The following GGT7 variants were observed in gnomAD, a reference collection of about 807,000 sequenced individuals.
The protein encoded by GGT7 is gamma-glutamyltransferase 7, also known as glutathione hydrolase 7.
GGT7 carries 30 observed loss-of-function variants against 69.2 expected under a neutral mutation model. The observed-to-expected ratio is 0.43, with a 90% CI of 0.32 to 0.59. The LOEUF is 0.59. GGT7 is among the 20% of genes least tolerant of loss of function. The pLI, the probability that GGT7 is intolerant of heterozygous loss-of-function variation, is 0.05. For missense variants in GGT7, 733 were observed against 901.1 expected, an observed-to-expected ratio of 0.81 and a Z score of 2.39; for synonymous variants, 388 against 391.8, an observed-to-expected ratio of 0.99 and a Z score of 0.12.
At chr20:34,846,073 G>C (rs1195944807) in intron 14 of GGT7, among the ~76,000 whole-genome samples, 2 of 136,374 alleles carry the variant, frequency 1.5e-5, no homozygotes, top group Non-Finnish European at 3.2e-5. Context: ...TCCAAAAAAA[G>C]AAAAGAAAGA....
chr20:34,863,442 C>T lies in GGT7; in HGVS notation c.276G>A (p.Pro92=), dbSNP rs1488689228. Residue 92 remains proline, a synonymous_variant, in exon 2 of 15, where the codon CCG becomes CCA. Coordinates refer to ENST00000336431, the MANE Select transcript of GGT7 (RefSeq NM_178026.3). The surrounding 1 kb of genome is among the most constrained non-coding windows in gnomAD (Gnocchi z 4.4). ...AGCACTCGGCCGCTGCGGCGGAGAACGGGTCTTTGCGCGTCTCGCGTAGCG... is the reference window on the plus strand; with the variant it reads ...AGCACTCGGCCGCTGCGGCGGAGAATGGGTCTTTGCGCGTCTCGCGTAGCG... ...GSPLRETRKD[P]FSAAAAECSC... 1.9e-6 allele frequency: 3 copies of T among 1,613,014 alleles called. No homozygotes were observed.
chr20:34,865,619 G>T (rs1284911275), intron 1 of GGT7, among the ~76,000 whole-genome samples: 1 of 152,220 alleles, frequency 6.6e-6, no homozygotes, highest in Non-Finnish European at 1.5e-5. Context: ...GTCAAGTCAT[G>T]CACCTCACCT....
intron 8 of GGT7, 128 bp downstream of exon 8, chr20:34,856,678 G>T (rs2079497244): frequency 3.0e-6 from 2 of 662,024 alleles, no homozygotes; most frequent in East Asian, 5.5e-5. Flanking sequence ...ACAGTTGACT[G>T]CCCAGGTAGC....
Position 34,859,634 on chromosome 20 carries a change from C to A in GGT7, c.823G>T (p.Ala275Ser), listed in dbSNP as rs138920332. 4.5e-4 allele frequency: 715 copies of A among 1,594,014 alleles called. 1 individual carries two copies. In the African/African-American group the frequency reaches 8.8e-3, roughly 20 times the overall value. Residue 275 changes from alanine (A) to serine (S), a missense_variant, in exon 7 of 15, where the codon GCC (alanine) becomes TCC (serine). Coordinates refer to ENST00000336431, the MANE Select transcript of GGT7 (RefSeq NM_178026.3). ...TTGGGTGGCAGCTGTTCAGCCAGGG[C>A]ACGGGCTAGGGGCAGGGACGGGAGG... Reference protein sequence around the residue: ...GFNVTHDLARALAEQLPPNMS... With the variant: ...GFNVTHDLARSLAEQLPPNMS...
Position 34,861,486 on chromosome 20 carries a change from C to G in GGT7, c.634G>C (p.Ala212Pro), listed in dbSNP as rs755727019. 26 of 1,553,174 alleles carry G rather than the reference C, an allele frequency of 1.7e-5. No individual in the cohort carries two copies. The highest frequency in any genetic ancestry group is 2.1e-5 in the Non-Finnish European group (24 of 1,139,568). The change falls in exon 4 of 15, where the codon GCC (alanine) becomes CCC (proline). Residue 212 changes from alanine to proline, a missense_variant. Ala to Pro is a conservative substitution (Grantham distance 27). Coordinates refer to ENST00000336431, the MANE Select transcript of GGT7 (RefSeq NM_178026.3). ...CTTTGCAGGGTCTCTTCCCTGAGGG[C>G]CCCTGGTGCGGACTCCCGGAAATCA... ...LIDFRESAPG[A>P]LREETLQRSW...
chr20:34,872,777 C>T lies in GGT7; in HGVS notation c.39G>A (p.Leu13=), dbSNP rs1165271157. 7.0e-7 allele frequency: 1 copy of T among 1,425,666 alleles called. No individual in the cohort carries two copies. Among genetic ancestry groups the T allele is most frequent in the Non-Finnish European group, 9.2e-7 (1 of 1,084,310 alleles). The allele number at this position is 1,425,666 out of a possible 1,614,324, so 88.3% of individuals were successfully genotyped here. ...TGTAGTCCACTGGCGAGTAGGCGCC[C>T]AGGGCGCTCTCCTGGCTGGCCTCGT... ...AENEASQESA[L]GAYSPVDYMS... The change falls in exon 1 of 15, where the codon CTG becomes CTA. Residue 13 remains leucine, a synonymous_variant. Transcript: ENST00000336431.
Position 34,854,863 on chromosome 20 carries a change from TTGAGAGCACTGA to T in GGT7, c.1151_1162del (p.Ile384_Leu387del). The T allele has an allele frequency of 6.2e-7, 1 of 1,614,008 alleles. No individual in the cohort carries two copies. Among genetic ancestry groups the T allele is most frequent in the Non-Finnish European group, 8.5e-7 (1 of 1,179,908 alleles). Reference sequence around the variant, plus strand: ...GGTGAGATTGAAGCCCTCCAGGATGTTGAGAGCACTGATGAGGGCAGGGCCCGTGTGCGGAGG... The same window carrying T: ...GGTGAGATTGAAGCCCTCCAGGATGTTGAGGGCAGGGCCCGTGTGCGGAGG... On this transcript the variant is annotated inframe_deletion, in exon 9 of 15. Transcript: ENST00000336431.
At position 34,863,425 on chromosome 20, in the gene GGT7, G is replaced by A; in HGVS notation, c.293C>T (p.Ala98Val). 1.2e-6 allele frequency: 2 copies of A among 1,613,640 alleles called. No individual in the cohort carries two copies. Among genetic ancestry groups the A allele is most frequent in the Non-Finnish European group, 1.7e-6 (2 of 1,179,956 alleles). Residue 98 changes from alanine to valine, a missense_variant, in exon 2 of 15, where the codon GCC (alanine) becomes GTC (valine). By Grantham distance (64) the Ala-to-Val change is moderately conservative. Transcript: ENST00000336431. The surrounding 1 kb of genome is among the most constrained non-coding windows in gnomAD (Gnocchi z 4.4). ...TRKDPFSAAAAECSCRQDGLT... is the reference protein window; with the variant it reads ...TRKDPFSAAAVECSCRQDGLT... ...CCCATCCTGGCGGCAGGAGCACTCG[G>A]CCGCTGCGGCGGAGAACGGGTCTTT... is the stretch of plus-strand genomic sequence containing the variant.
Position 34,863,616 on chromosome 20 carries a change from C to A in GGT7, c.170-68G>T. 1 of 1,007,150 alleles carries A rather than the reference C, an allele frequency of 9.9e-7. No homozygotes were observed. Among genetic ancestry groups the A allele is most frequent in the Non-Finnish European group, 1.5e-6 (1 of 650,736 alleles). The allele number at this position is 1,007,150 out of a possible 1,614,324, so 62.4% of individuals were successfully genotyped here. ...GGCCCTGCCCACCCTCCAGGTGGGA[C>A]TATTCAGCGCTTTCCCTGCCCCGCC... On this transcript the variant is annotated intron_variant, in intron 1 of 14. Coordinates refer to ENST00000336431, the MANE Select transcript of GGT7 (RefSeq NM_178026.3). The surrounding 1 kb of genome is among the most constrained non-coding windows in gnomAD (Gnocchi z 4.4).
At position 34,863,492 on chromosome 20, in the gene GGT7, C is replaced by A. The variant is rs765692127; in HGVS notation, c.226G>T (p.Glu76Ter). ...RLQRLPSSSSEMGSQDGSPLR... is the reference protein window; with the variant it reads ...RLQRLPSSSS ...GGCGACCCGTCTTGGCTGCCCATCT[C>A]CGACGACGACGATGGCAGCCGCTGC... The change falls in exon 2 of 15, where the codon GAG (glutamate) becomes TAG (stop). Residue 76 changes from glutamate (E) to a stop codon, truncating the protein, a stop_gained. Coordinates refer to ENST00000336431, the MANE Select transcript of GGT7 (RefSeq NM_178026.3). LOFTEE classifies it high-confidence loss of function. This position sits in a 1 kb window ranked among gnomAD's most constrained non-coding sequence, Gnocchi z 4.4. 3 of 1,604,392 alleles carry A rather than the reference C, an allele frequency of 1.9e-6. No homozygotes were observed. The South Asian group carries it at 3.3e-5, about 18-fold the overall frequency.
At chr20:34,856,766 TCTC>T in intron 8 of GGT7, 37 bp downstream of exon 8, 1 of 1,181,598 alleles carries the variant, frequency 8.5e-7, no homozygotes, top group Non-Finnish European at 1.3e-6. Flanking sequence ...CTGGGAGGCT[TCTC>T]CTGAGGGGGG....
intron 1 of GGT7, among the ~76,000 whole-genome samples, chr20:34,866,854 T>G (rs1434711791): frequency 1.3e-5 from 2 of 152,174 alleles, no homozygotes; most frequent in East Asian, 3.8e-4. Flanking sequence ...GTGTTGGGAT[T>G]ACAGGCATAA....
At chr20:34,858,754 G>C (rs1174360059) in intron 7 of GGT7, among the ~76,000 whole-genome samples, 1 of 152,182 alleles carries the variant, frequency 6.6e-6, no homozygotes, top group Non-Finnish European at 1.5e-5. Flanking sequence ...AGCAGGGAAG[G>C]ATTGTGAGCT....
chr20:34,849,785 G>C (rs1477393457), intron 14 of GGT7, among the ~76,000 whole-genome samples, 176 bp downstream of exon 14: 2 of 152,196 alleles, frequency 1.3e-5, no homozygotes, highest in Non-Finnish European at 2.9e-5. Flanking sequence ...CACACAACCA[G>C]GAAATGGCAA....
At position 34,861,437 on chromosome 20, in the gene GGT7, G is replaced by T. The variant is rs550537909; in HGVS notation, c.675+8C>A. On this transcript the variant is annotated splice_region_variant and intron_variant, in intron 4 of 14. Coordinates refer to ENST00000336431, the MANE Select transcript of GGT7 (RefSeq NM_178026.3). ...CCCTGAACTCTCTCTTCTCACCAGGGTCCCCACCTTGGTCTCCCAGGATCT... is the reference window on the plus strand; with the variant it reads ...CCCTGAACTCTCTCTTCTCACCAGGTTCCCCACCTTGGTCTCCCAGGATCT... 1 of 1,443,056 alleles carries T rather than the reference G, an allele frequency of 6.9e-7. No homozygotes were observed. The highest frequency in any genetic ancestry group is 9.6e-7 in the Non-Finnish European group (1 of 1,042,014). 89.4% of individuals were successfully genotyped at this position (1,443,056 alleles called of 1,614,324 possible). A position where few individuals can be genotyped will look rare whatever the true frequency, so the allele number is the denominator to read the frequency against.
chr20:34,850,138 TC>T, intron 13 of GGT7, 78 bp from the exon 14 acceptor site: 1 of 982,664 alleles, frequency 1.0e-6, no homozygotes, highest in Non-Finnish European at 1.7e-6. Flanking sequence ...TCACCCTTGG[TC>T]CAGGCTCCTT....
Position 34,861,437 on chromosome 20 carries a change from G to C in GGT7, c.675+8C>G, listed in dbSNP as rs550537909. The C allele has an allele frequency of 1.8e-5, 26 of 1,443,060 alleles. No individual in the cohort carries two copies. The African/African-American group carries it at 3.1e-4, about 17-fold the overall frequency. 89.4% of individuals were successfully genotyped at this position (1,443,060 alleles called of 1,614,324 possible). ...CCCTGAACTCTCTCTTCTCACCAGG[G>C]TCCCCACCTTGGTCTCCCAGGATCT... is the stretch of plus-strand genomic sequence containing the variant. On this transcript the variant is annotated splice_region_variant and intron_variant, in intron 4 of 14. Coordinates refer to ENST00000336431, the MANE Select transcript of GGT7 (RefSeq NM_178026.3).
intron 7 of GGT7, among the ~76,000 whole-genome samples, chr20:34,857,261 C>T (rs893303219): frequency 2.0e-5 from 3 of 152,192 alleles, no homozygotes; most frequent in African/African-American, 7.2e-5. Flanking sequence ...TGAACTCATG[C>T]CTTCGTGTCT....
At chr20:34,847,509 A>G (rs1182654981) in intron 14 of GGT7, among the ~76,000 whole-genome samples, 1 of 152,206 alleles carries the variant, frequency 6.6e-6, no homozygotes, top group Non-Finnish European at 1.5e-5. Flanking sequence ...TGAAGACCCA[A>G]TCTTGAATAG....
Sources: allele counts gnomAD v4.1 joint callset (sites outside exome capture counted in the v4.1 genomes callset), GRCh38; gene constraint gnomAD v4.1.1; non-coding constraint Gnocchi (gnomAD v3.1); transcripts MANE v1.5; gene names NCBI Gene and HGNC (gene_info 2026-07-23, HGNC 2026-07-21).